Variants in TMEM174 observed in about 807,000 individuals in gnomAD.
The protein encoded by TMEM174 is transmembrane protein 174.
Under a neutral mutation model 15.1 loss-of-function variants are expected in TMEM174, and 11 were observed. The observed-to-expected ratio is 0.73, with a 90% CI of 0.46 to 1.20. TMEM174 has a LOEUF of 1.20. TMEM174 is among the 50% of genes most tolerant of loss of function. The pLI, the probability that TMEM174 is intolerant of heterozygous loss-of-function variation, is 0.00. For missense variants in TMEM174, 321 were observed against 303.6 expected, an observed-to-expected ratio of 1.06 and a Z score of -0.43; for synonymous variants, 130 against 121.3, an observed-to-expected ratio of 1.07 and a Z score of -0.47.
Position 73,173,420 on chromosome 5 carries a change from G to A in TMEM174, c.177G>A (p.Trp59Ter). ...GGATCACATTCACTGTCATGGGCTG[G>A]ATCAAATACCAAGGTGTCTCCCACT... The part of the protein sequence containing the change: ...LVGITFTVMG[W>*]IKYQGVSHFE... The change falls in exon 1 of 2, where the codon TGG (tryptophan) becomes TGA (stop). Residue 59 changes from tryptophan (W) to a stop codon, truncating the protein, a stop_gained. Coordinates refer to ENST00000296776, the MANE Select transcript of TMEM174 (RefSeq NM_153217.3). LOFTEE classifies it high-confidence loss of function. The A allele has an allele frequency of 6.2e-7, 1 of 1,614,180 alleles. No homozygotes were observed. The highest frequency in any genetic ancestry group is 1.1e-5 in the South Asian group (1 of 91,078).
rs753186005 is a variant in TMEM174 at position 73,173,756 on chromosome 5, GGCA to G, written c.519_521del (p.Ala175del). On this transcript the variant is annotated inframe_deletion, in exon 1 of 2. Transcript: ENST00000296776. Reference sequence around the variant, plus strand: ...CCTGCGGCCTCATAACCTCTGGAGGGGCAGCAGCCGCCATGTCAAGTCCTCCTC... The same window carrying G: ...CCTGCGGCCTCATAACCTCTGGAGGGGCAGCCGCCATGTCAAGTCCTCCTC... 41 of 1,614,026 alleles carry G rather than the reference GGCA, an allele frequency of 2.5e-5. No individual in the cohort carries two copies. Among genetic ancestry groups the G allele is most frequent in the Non-Finnish European group, 3.3e-5 (39 of 1,180,042 alleles).
In TMEM174 at chr5:73,173,531, C is replaced by T; in HGVS notation, c.288C>T (p.Leu96=). 2 of 1,614,246 alleles carry T rather than the reference C, an allele frequency of 1.2e-6. No homozygotes were observed. The highest frequency in any genetic ancestry group is 1.7e-6 in the Non-Finnish European group (2 of 1,180,054). Residue 96 remains leucine, a synonymous_variant, in exon 1 of 2, where the codon CTC becomes CTT. Transcript: ENST00000296776. ...TTGCTGTGTGCAAGTTCAAAATGCT[C>T]TCCTGCCAGTTGTGCAAAGAAAGTG... The part of the protein sequence containing the change: ...ILIAVCKFKM[L]SCQLCKESEE...
rs1580257782 is a variant in TMEM174 at position 73,174,350 on chromosome 5, A to G, written c.*185A>G. On this transcript the variant is annotated 3_prime_UTR_variant, in exon 2 of 2. Coordinates refer to ENST00000296776, the MANE Select transcript of TMEM174 (RefSeq NM_153217.3). ...GAGGTGCAATTTCTCAGATTGGTAAAAATTAGGCTGGGCTGGGGAAATTCT... is the reference window on the plus strand; with the variant it reads ...GAGGTGCAATTTCTCAGATTGGTAAGAATTAGGCTGGGCTGGGGAAATTCT... 3.4e-6 allele frequency: 2 copies of G among 591,354 alleles called. No individual in the cohort carries two copies. The highest frequency in any genetic ancestry group is 5.9e-6 in the Non-Finnish European group (2 of 337,190). The allele number at this position is 591,354 out of a possible 1,614,324, so 36.6% of individuals were successfully genotyped here.
Position 73,173,229 on chromosome 5 carries a change from A to C in TMEM174, c.-15A>C. On this transcript the variant is annotated 5_prime_UTR_variant, in exon 1 of 2. Transcript: ENST00000296776. ...CCTCTCCACTCTAAGAAGCAGGGTG[A>C]GCCCACAAGGAGCAATGGAGCAGGG... The C allele has an allele frequency of 6.6e-7, 1 of 1,518,534 alleles. No homozygotes were observed. The highest frequency in any genetic ancestry group is 8.8e-7 in the Non-Finnish European group (1 of 1,134,820). 94.1% of individuals were successfully genotyped at this position (1,518,534 alleles called of 1,614,324 possible).
Position 73,173,589 on chromosome 5 carries a change from G to A in TMEM174, c.346G>A (p.Gly116Arg), listed in dbSNP as rs79964698. The change falls in exon 1 of 2, where the codon GGA becomes AGA. Residue 116 changes from glycine to arginine, a missense_variant. Transcript: ENST00000296776. ...ERVPDSEQTP[G>R]GPSFVFTGIN... is the part of the protein sequence containing the mutation. ...GGTCCCGGACTCGGAACAGACACCA[G>A]GAGGACCATCATTTGTTTTCACTGG... 394 of 1,614,198 alleles carry A rather than the reference G, an allele frequency of 2.4e-4. 1 individual carries two copies. In the African/African-American group the frequency reaches 4.6e-3, roughly 19 times the overall value.
In TMEM174 at chr5:73,173,552, A is replaced by G; in HGVS notation, c.309A>G (p.Glu103=). Residue 103 remains glutamate (E), a synonymous_variant, in exon 1 of 2, where the codon GAA becomes GAG. Transcript: ENST00000296776. ...FKMLSCQLCK[E]SEERVPDSEQ... is the part of the protein sequence containing the mutation. ...TGCTCTCCTGCCAGTTGTGCAAAGA[A>G]AGTGAGGAAAGGGTCCCGGACTCGG... 6.2e-7 allele frequency: 1 copy of G among 1,614,228 alleles called. No homozygotes were observed. Among genetic ancestry groups the G allele is most frequent in the Non-Finnish European group, 8.5e-7 (1 of 1,180,048 alleles).
rs184217016 is a variant in TMEM174 at position 73,173,200 on chromosome 5, C to A, written c.-44C>A. ...TGGACCTGTGATTCCTTGGTTCTCA[C>A]AATCCTCTCCACTCTAAGAAGCAGG... On this transcript the variant is annotated 5_prime_UTR_variant, in exon 1 of 2. Transcript: ENST00000296776. 3 of 1,513,754 alleles carry A rather than the reference C, an allele frequency of 2.0e-6. No homozygotes were observed. The highest frequency in any genetic ancestry group is 2.3e-5 in the East Asian group (1 of 43,988). 93.8% of individuals were successfully genotyped at this position (1,513,754 alleles called of 1,614,324 possible). A position where few individuals can be genotyped will look rare whatever the true frequency, so the allele number is the denominator to read the frequency against.
chr5:73,173,821 T>C lies in TMEM174; in HGVS notation c.578T>C (p.Phe193Ser), dbSNP rs1327334925. 5.0e-6 allele frequency: 8 copies of C among 1,614,000 alleles called. No individual in the cohort carries two copies. Among genetic ancestry groups the C allele is most frequent in the Non-Finnish European group, 6.8e-6 (8 of 1,179,914 alleles). ...YTIYPQDNSAFVVDEGCLSFT... is the reference protein window; with the variant it reads ...YTIYPQDNSASVVDEGCLSFT... The stretch of plus-strand genomic sequence containing the variant: ...ATCTACCCTCAAGATAACTCTGCAT[T>C]TGTGGTTGATGAGGGCTGCCTTTCT... Residue 193 changes from phenylalanine (F) to serine (S), a missense_variant, in exon 1 of 2, where the codon TTT becomes TCT. Coordinates refer to ENST00000296776, the MANE Select transcript of TMEM174 (RefSeq NM_153217.3).
chr5:73,173,322 G>T lies in TMEM174; in HGVS notation c.79G>T (p.Asp27Tyr). The T allele has an allele frequency of 3.1e-6, 5 of 1,588,922 alleles. No homozygotes were observed. The highest frequency in any genetic ancestry group is 4.3e-6 in the Non-Finnish European group (5 of 1,166,426). ...CACTCCTTACACACCCAGCACCGCTGACATCCAGGTGTCCGATGATGACAA... is the reference window on the plus strand; with the variant it reads ...CACTCCTTACACACCCAGCACCGCTTACATCCAGGTGTCCGATGATGACAA... ...SVTPYTPSTA[D>Y]IQVSDDDKAG... The change falls in exon 1 of 2, where the codon GAC (aspartate) becomes TAC (tyrosine). Residue 27 changes from aspartate to tyrosine, a missense_variant. Physicochemically the swap from Asp to Tyr is radical, Grantham distance 160 (BLOSUM62 -3). Coordinates refer to ENST00000296776, the MANE Select transcript of TMEM174 (RefSeq NM_153217.3).
chr5:73,173,280 G>A lies in TMEM174; in HGVS notation c.37G>A (p.Val13Ile). The A allele has an allele frequency of 6.5e-7, 1 of 1,547,326 alleles. No homozygotes were observed. Residue 13 changes from valine (V) to isoleucine (I), a missense_variant, in exon 1 of 2, where the codon GTC (valine) becomes ATC (isoleucine). Coordinates refer to ENST00000296776, the MANE Select transcript of TMEM174 (RefSeq NM_153217.3). ...CAGCGGCCGCTTGGAGGACTTCCCT[G>A]TCAATGTGTTCTCCGTCACTCCTTA... ...QGSGRLEDFP[V>I]NVFSVTPYTP...
Position 73,173,397 on chromosome 5 carries a change from A to T in TMEM174, c.154A>T (p.Ile52Phe), listed in dbSNP as rs149449435. 8.4e-4 allele frequency: 1,353 copies of T among 1,613,056 alleles called. 16 individuals are homozygous for T. In the African/African-American group the frequency reaches 0.015, roughly 18 times the overall value. Reference protein sequence around the residue: ...FSGIFLGLVGITFTVMGWIKY... With the variant: ...FSGIFLGLVGFTFTVMGWIKY... The stretch of plus-strand genomic sequence containing the variant: ...AGGCATCTTTCTGGGACTGGTGGGG[A>T]TCACATTCACTGTCATGGGCTGGAT... The change falls in exon 1 of 2, where the codon ATC becomes TTC. Residue 52 changes from isoleucine to phenylalanine, a missense_variant. Physicochemically the swap from Ile to Phe is conservative, Grantham distance 21 (BLOSUM62 0). Transcript: ENST00000296776.
chr5:73,173,914 C>T (rs116189554), intron 1 of TMEM174, 45 bp downstream of exon 1: 42 of 1,594,454 alleles, frequency 2.6e-5, no homozygotes, highest in Non-Finnish European at 3.1e-5. Flanking sequence ...TAGCCATCTC[C>T]GTCATGATCT....
rs1258137456 is a variant in TMEM174, at chr5:73,174,985, T to G, written c.*820T>G. Reference sequence around the variant, plus strand: ...CCAAGCATGAACTAGCTGGGACCAGTGGCTGACAGAACACAGGACTTCCCT... The same window carrying G: ...CCAAGCATGAACTAGCTGGGACCAGGGGCTGACAGAACACAGGACTTCCCT... On this transcript the variant is annotated 3_prime_UTR_variant, in exon 2 of 2. Transcript: ENST00000296776. The G allele has an allele frequency of 6.6e-6, 1 of 152,328 alleles. No individual in the cohort carries two copies. The highest frequency in any genetic ancestry group is 1.9e-4 in the East Asian group (1 of 5,324). The allele number at this position is 152,328 out of a possible 1,614,324, so 9.4% of individuals were successfully genotyped here. A position where few individuals can be genotyped will look rare whatever the true frequency, so the allele number is the denominator to read the frequency against.
At position 73,174,079 on chromosome 5, in the gene TMEM174, C is replaced by G. The variant is rs768716916; in HGVS notation, c.646C>G (p.Gln216Glu). 96 of 1,613,852 alleles carry G rather than the reference C, an allele frequency of 5.9e-5. 1 individual carries two copies. In the Admixed American group the frequency reaches 1.5e-3, roughly 25 times the overall value. ...GNHRPNPDVD[Q>E]LEETQLEEEA... Reference sequence around the variant, plus strand: ...TTTCAGGCCCAATCCTGATGTTGACCAGCTAGAAGAGACACAGCTGGAAGA... The same window carrying G: ...TTTCAGGCCCAATCCTGATGTTGACGAGCTAGAAGAGACACAGCTGGAAGA... The change falls in exon 2 of 2, where the codon CAG (glutamine) becomes GAG (glutamate). Residue 216 changes from glutamine to glutamate, a missense_variant. Gln to Glu is a conservative substitution (Grantham distance 29, BLOSUM62 2). Transcript: ENST00000296776.
At position 73,174,430 on chromosome 5, in the gene TMEM174, G is replaced by A; in HGVS notation, c.*265G>A. 1 of 390,704 alleles carries A rather than the reference G, an allele frequency of 2.6e-6. No individual in the cohort carries two copies. Among genetic ancestry groups the A allele is most frequent in the Non-Finnish European group, 4.6e-6 (1 of 217,420 alleles). 24.2% of individuals were successfully genotyped at this position (390,704 alleles called of 1,614,324 possible). A position where few individuals can be genotyped will look rare whatever the true frequency, so the allele number is the denominator to read the frequency against. ...TAAGAAATCTCCTGTATAAGGTTCA[G>A]GAGCAGGAATTTCACTTTTTCATCC... On this transcript the variant is annotated 3_prime_UTR_variant, in exon 2 of 2. Coordinates refer to ENST00000296776, the MANE Select transcript of TMEM174 (RefSeq NM_153217.3).
At position 73,173,863 on chromosome 5, in the gene TMEM174, A is replaced by G. The variant is rs368984926; in HGVS notation, c.620A>G (p.Asn207Ser). 2.0e-5 allele frequency: 33 copies of G among 1,611,688 alleles called. No homozygotes were observed. The African/African-American group carries it at 3.9e-4, about 19-fold the overall frequency. ...TGCCTTTCTTTCACGGACGGTGGAAATCACAGGTATGGCGTGTCTACTGGG... is the reference window on the plus strand; with the variant it reads ...TGCCTTTCTTTCACGGACGGTGGAAGTCACAGGTATGGCGTGTCTACTGGG... ...EGCLSFTDGGNHRPNPDVDQL... is the reference protein window; with the variant it reads ...EGCLSFTDGGSHRPNPDVDQL... Residue 207 changes from asparagine (N) to serine (S), a missense_variant, in exon 1 of 2, where the codon AAT becomes AGT. Physicochemically the swap from Asn to Ser is conservative, Grantham distance 46. Coordinates refer to ENST00000296776, the MANE Select transcript of TMEM174 (RefSeq NM_153217.3).
rs1745016201 is a variant in TMEM174, at chr5:73,173,667, C to T, written c.424C>T (p.Pro142Ser). The T allele has an allele frequency of 2.5e-6, 4 of 1,614,088 alleles. No individual in the cohort carries two copies. The highest frequency in any genetic ancestry group is 1.7e-5 in the Admixed American group (1 of 60,014). Reference protein sequence around the residue: ...HGATVVQYIPPPYGSPEPMGI... With the variant: ...HGATVVQYIPSPYGSPEPMGI... ...GGCCACTGTGGTGCAGTACATCCCT[C>T]CTCCTTATGGTTCTCCAGAGCCTAT... Residue 142 changes from proline (P) to serine (S), a missense_variant, in exon 1 of 2, where the codon CCT becomes TCT. Pro to Ser is a moderately conservative substitution (Grantham distance 74). Transcript: ENST00000296776.
chr5:73,174,165 G>A lies in TMEM174; in HGVS notation c.732G>A (p.Ter244=). 6.2e-7 allele frequency: 1 copy of A among 1,613,310 alleles called. No individual in the cohort carries two copies. Among genetic ancestry groups the A allele is most frequent in the South Asian group, 1.1e-5 (1 of 91,070 alleles). The stretch of plus-strand genomic sequence containing the variant: ...AAGAAATATACTCTCTCCCTCGCTA[G>A]AGGCTATTCTGATATAATAACACAA... ...PYEEIYSLPR[*] is the part of the protein sequence containing the mutation. The change falls in exon 2 of 2, where the codon TAG becomes TAA. Residue 244 remains the stop codon, a stop_retained_variant. Transcript: ENST00000296776.
chr5:73,175,036 G>C lies in TMEM174; in HGVS notation c.*871G>C, dbSNP rs1452533898. ...AAGTACCCGTAGGTCTGTGGAGCAA[G>C]ACAGAGCAGAGTTGCCATGTCAACA... On this transcript the variant is annotated 3_prime_UTR_variant, in exon 2 of 2. Transcript: ENST00000296776. 2 of 152,326 alleles carry C rather than the reference G, an allele frequency of 1.3e-5. No homozygotes were observed. The highest frequency in any genetic ancestry group is 2.9e-5 in the Non-Finnish European group (2 of 68,038). The allele number at this position is 152,326 out of a possible 1,614,324, so 9.4% of individuals were successfully genotyped here.
Sources: allele counts gnomAD v4.1 joint callset, GRCh38; gene constraint gnomAD v4.1.1; transcripts MANE v1.5; gene names NCBI Gene and HGNC (gene_info 2026-07-23, HGNC 2026-07-21).